The following USP15 variants were observed in gnomAD, a reference collection of about 807,000 sequenced individuals.
USP15 encodes ubiquitin specific peptidase 15.
Under a neutral mutation model 127.1 loss-of-function variants are expected in USP15, and 18 were observed. The observed-to-expected ratio is 0.14, with a 90% CI of 0.10 to 0.21. The LOEUF is 0.21. Among genes scored for constraint, USP15 ranks in the 10% least tolerant of loss-of-function variants. USP15 has a pLI of 1.00. For missense variants in USP15, 805 were observed against 1,159.9 expected (o/e 0.69, Z 4.44); for synonymous variants, 364 against 393.7 (o/e 0.92, Z 0.89).
intron 4 of USP15, among the ~76,000 whole-genome samples, chr12:62,318,332 A>G (rs2064890487): frequency 6.6e-6 from 1 of 152,186 alleles, no homozygotes; most frequent in African/African-American, 2.4e-5. Flanking sequence ...CTACTGTCAT[A>G]GTCTCTCATG....
intron 19 of USP15, among the ~76,000 whole-genome samples, chr12:62,394,412 G>A (rs1184367178): frequency 6.6e-6 from 1 of 152,116 alleles, no homozygotes; most frequent in East Asian, 1.9e-4. Context: ...AATATTCACT[G>A]GATTACTCAT....
intron 8 of USP15, among the ~76,000 whole-genome samples, chr12:62,369,390 TC>T (rs151159297): frequency 0.026 from 3,989 of 152,188 alleles, 88 homozygotes; most frequent in Middle Eastern, 0.051. Context: ...GTATCAGAAA[TC>T]CGTTTTGCCA....
At chr12:62,394,420 C>G (rs868296839) in intron 19 of USP15, among the ~76,000 whole-genome samples, 2 of 152,148 alleles carry the variant, frequency 1.3e-5, no homozygotes, top group African/African-American at 2.4e-5. Flanking sequence ...CTGGATTACT[C>G]ATTCTAATTG....
chr12:62,279,145 A>T (rs1384489852), intron 1 of USP15: 1 of 152,134 alleles, frequency 6.6e-6, no homozygotes, highest in Non-Finnish European at 1.5e-5. Flanking sequence ...ACTGAATATC[A>T]TCACCTCCTT....
intron 6 of USP15, among the ~76,000 whole-genome samples, chr12:62,347,695 A>C (rs1381776299): frequency 1.3e-5 from 2 of 152,092 alleles, no homozygotes; most frequent in Non-Finnish European, 2.9e-5. Flanking sequence ...TGTTCTATAC[A>C]TTGTTTTATG....
At position 62,349,239 on chromosome 12, in the gene USP15, T is replaced by A. The variant is rs767318654; in HGVS notation, c.702T>A (p.Asn234Lys). Reference protein sequence around the residue: ...PSTPKSPGASNFSTLPKISPS... With the variant: ...PSTPKSPGASKFSTLPKISPS... ...TTTAAAGGTCCCCAGGTGCATCCAATTTTTCAACTTTACCAAAGATCTCTC... is the reference window on the plus strand; with the variant it reads ...TTTAAAGGTCCCCAGGTGCATCCAAATTTTCAACTTTACCAAAGATCTCTC... Residue 234 changes from asparagine (N) to lysine (K), a missense_variant, in exon 7 of 22, where the codon AAT (asparagine) becomes AAA (lysine). Asn to Lys is a moderately conservative substitution (Grantham distance 94). Coordinates refer to ENST00000280377, the MANE Select transcript of USP15 (RefSeq NM_001252078.2). The A allele has an allele frequency of 1.0e-5, 15 of 1,503,584 alleles. No homozygotes were observed. Among genetic ancestry groups the A allele is most frequent in the African/African-American group, 1.4e-5 (1 of 71,828 alleles). 93.1% of individuals were successfully genotyped at this position (1,503,584 alleles called of 1,614,324 possible). A position where few individuals can be genotyped will look rare whatever the true frequency, so the allele number is the denominator to read the frequency against.
chr12:62,269,957 A>C (rs1242837948), intron 1 of USP15, among the ~76,000 whole-genome samples: 1 of 152,146 alleles, frequency 6.6e-6, no homozygotes, highest in Non-Finnish European at 1.5e-5. Context: ...AGGAACTGCT[A>C]GACTGTTTTT....
Position 62,391,431 on chromosome 12 carries a change from T to A in USP15, c.2233+2T>A. ...ATGATAGGCAGCTTAGGCTAGATGGTAAGTATTTGTGAAAAATGGCTTGAA... is the reference window on the plus strand; with the variant it reads ...ATGATAGGCAGCTTAGGCTAGATGGAAAGTATTTGTGAAAAATGGCTTGAA... On this transcript the variant is annotated splice_donor_variant, in intron 16 of 21. Coordinates refer to ENST00000280377, the MANE Select transcript of USP15 (RefSeq NM_001252078.2). LOFTEE classifies it high-confidence loss of function. 1 of 1,595,448 alleles carries A rather than the reference T, an allele frequency of 6.3e-7. No individual in the cohort carries two copies. The highest frequency in any genetic ancestry group is 8.5e-7 in the Non-Finnish European group (1 of 1,174,614).
At chr12:62,318,187 G>A (rs1306041722) in intron 4 of USP15, among the ~76,000 whole-genome samples, 1 of 152,086 alleles carries the variant, frequency 6.6e-6, no homozygotes, top group Non-Finnish European at 1.5e-5. Flanking sequence ...TTAAACCCTA[G>A]GCTGTTGTTA....
At chr12:62,391,515 T>G in intron 16 of USP15, 86 bp downstream of exon 16, 2 of 1,498,694 alleles carry the variant, frequency 1.3e-6, no homozygotes, top group Non-Finnish European at 1.8e-6. Flanking sequence ...AATTCAGCTC[T>G]GTCAAGAAAT....
chr12:62,291,253 G>T (rs980510558), intron 1 of USP15, among the ~76,000 whole-genome samples: 1 of 152,012 alleles, frequency 6.6e-6, no homozygotes, highest in Non-Finnish European at 1.5e-5. Context: ...CTTCTCAAAG[G>T]CTTTGTTCAT....
At chr12:62,399,772 CA>C in intron 20 of USP15, among the ~76,000 whole-genome samples, 1 of 152,054 alleles carries the variant, frequency 6.6e-6, no homozygotes, top group Admixed American at 6.6e-5. Flanking sequence ...AATTGTTAAC[CA>C]AACAACTTAG....
rs2068051474 is a variant in USP15 at position 62,412,020 on chromosome 12, A to G, written c.*7645A>G. On this transcript the variant is annotated 3_prime_UTR_variant, in exon 22 of 22. Coordinates refer to ENST00000280377, the MANE Select transcript of USP15 (RefSeq NM_001252078.2). ...ACACAGTTGAGCCCATAGCAGATAT[A>G]TTTAGTAACAACTGTGGGTACAGGC... The G allele has an allele frequency of 6.6e-6, 1 of 152,198 alleles. No individual in the cohort carries two copies. The highest frequency in any genetic ancestry group is 1.5e-5 in the Non-Finnish European group (1 of 68,048). The allele number at this position is 152,198 out of a possible 1,614,324, so 9.4% of individuals were successfully genotyped here. A position where few individuals can be genotyped will look rare whatever the true frequency, so the allele number is the denominator to read the frequency against.
intron 1 of USP15, among the ~76,000 whole-genome samples, chr12:62,287,795 A>G (rs2063827247): frequency 6.6e-6 from 1 of 152,104 alleles, no homozygotes; most frequent in South Asian, 2.1e-4. Context: ...GCCCAGTTTC[A>G]TTCTTCTGCA....
Position 62,310,872 on chromosome 12 carries a change from G to A in USP15, c.349-3918G>A, listed in dbSNP as rs558088814. On this transcript the variant is annotated intron_variant, in intron 3 of 21. Transcript: ENST00000280377. ...AGTGTATAAGTGTTCCCTTTTCTCC[G>A]CATCTTCGCTAACATCTGTTGTCTT... Among the ~76,000 whole-genome samples, 118 of 151,922 alleles carry A rather than the reference G, an allele frequency of 7.8e-4. 1 individual carries two copies. The South Asian group carries it at 0.023, about 30-fold the overall frequency.
rs1173828138 is a variant in USP15 at position 62,411,364 on chromosome 12, C to G, written c.*6989C>G. 1 of 152,104 alleles carries G rather than the reference C, an allele frequency of 6.6e-6. No individual in the cohort carries two copies. The highest frequency in any genetic ancestry group is 2.1e-4 in the South Asian group (1 of 4,826). 9.4% of individuals were successfully genotyped at this position (152,104 alleles called of 1,614,324 possible). The stretch of plus-strand genomic sequence containing the variant: ...CTGTTAAGGCCTCTAGAGCTTCATT[C>G]ATTCCTTCATCAAATATTTTTTGAG... On this transcript the variant is annotated 3_prime_UTR_variant, in exon 22 of 22. Coordinates refer to ENST00000280377, the MANE Select transcript of USP15 (RefSeq NM_001252078.2).
rs1174274725 is a variant in USP15 at position 62,360,975 on chromosome 12, T to A, written c.915+5500T>A. On this transcript the variant is annotated intron_variant, in intron 8 of 21. Transcript: ENST00000280377. ...TTTTGATAAAAGCAAAAAAAAAAAA[T>A]GTAAACAACCTTACTTGCATTAGAA... Among the ~76,000 whole-genome samples, 15 of 150,258 alleles carry A rather than the reference T, an allele frequency of 1.0e-4. No individual in the cohort carries two copies. In the East Asian group the frequency reaches 2.1e-3, roughly 21 times the overall value.
chr12:62,375,139 C>T (rs998086778), intron 8 of USP15, among the ~76,000 whole-genome samples: 1 of 151,970 alleles, frequency 6.6e-6, no homozygotes. Context: ...ATGTCTGCTT[C>T]GAGGTTGAAG....
At chr12:62,391,639 A>G (rs1330468195) in intron 16 of USP15, among the ~76,000 whole-genome samples, 177 bp from the exon 17 acceptor site, 1 of 152,062 alleles carries the variant, frequency 6.6e-6, no homozygotes, top group East Asian at 1.9e-4. Flanking sequence ...TCAGTTTTCT[A>G]TCTTTTTTTA....
Sources: gnomAD v4.1 joint callset for allele counts (sites outside exome capture counted in the v4.1 genomes callset) on GRCh38, gnomAD v4.1.1 for gene constraint, MANE v1.5 for transcripts, NCBI Gene and HGNC (gene_info 2026-07-23, HGNC 2026-07-21) for gene names.